The following SRRM3 variants were observed in gnomAD, a reference collection of about 807,000 sequenced individuals.
SRRM3 encodes serine/arginine repetitive matrix protein 3.
SRRM3 carries 27 observed loss-of-function variants against 66.2 expected under a neutral mutation model. The observed-to-expected ratio is 0.41, with a 90% CI of 0.30 to 0.56. The LOEUF (loss-of-function observed/expected upper bound fraction) is 0.56, where lower values mean the gene tolerates loss of function less well. SRRM3 is among the 20% of genes least tolerant of loss of function. The pLI is 0.32. For missense variants in SRRM3, 918 were observed against 991.9 expected (o/e 0.93, Z 1.00); for synonymous variants, 391 against 414.9 (o/e 0.94, Z 0.70).
Position 76,286,871 on chromosome 7 carries a change from C to T in SRRM3, c.*1028C>T, listed in dbSNP as rs781937118. 6.6e-6 allele frequency: 1 copy of T among 152,300 alleles called. No individual in the cohort carries two copies. The highest frequency in any genetic ancestry group is 2.4e-5 in the African/African-American group (1 of 41,414). 9.4% of individuals were successfully genotyped at this position (152,300 alleles called of 1,614,324 possible). On this transcript the variant is annotated 3_prime_UTR_variant, in exon 15 of 15. Coordinates refer to ENST00000611745, the MANE Select transcript of SRRM3 (RefSeq NM_001110199.3). ...GAGGAGGGCAGCGTGTGCCTGTGGT[C>T]TGGGACGTGGGCTGGATGGCAGCCC... is the stretch of plus-strand genomic sequence containing the variant.
chr7:76,261,496 C>T (rs782498019), intron 7 of SRRM3, 50 bp from the exon 8 acceptor site: 1 of 1,603,660 alleles, frequency 6.2e-7, no homozygotes, highest in South Asian at 1.1e-5. Flanking sequence ...CATAGGTCTC[C>T]CCTGGGCCAC....
intron 3 of SRRM3, among the ~76,000 whole-genome samples, chr7:76,248,536 A>G (rs1201515524): frequency 6.6e-6 from 1 of 152,180 alleles, no homozygotes; most frequent in Non-Finnish European, 1.5e-5. Context: ...CCTATGGCTC[A>G]GCAGTGGGAG....
At chr7:76,223,383 A>G (rs1554603411) in intron 1 of SRRM3, among the ~76,000 whole-genome samples, 2 of 152,192 alleles carry the variant, frequency 1.3e-5, no homozygotes, top group Non-Finnish European at 2.9e-5. Context: ...GGTCAGCAGG[A>G]GAGTGCTCCA....
intron 11 of SRRM3, among the ~76,000 whole-genome samples, chr7:76,274,644 G>T (rs1023196610): frequency 6.6e-6 from 1 of 152,194 alleles, no homozygotes; most frequent in Non-Finnish European, 1.5e-5. Flanking sequence ...GGGGCCCACA[G>T]GGTGCAGCGG....
chr7:76,211,816 CTATTAT>C (rs60646233), intron 1 of SRRM3, among the ~76,000 whole-genome samples: 4,280 of 140,576 alleles, frequency 0.03, 164 homozygotes, highest in African/African-American at 0.087. Context: ...ACTATTACTA[CTATTAT>C]TATTATTATT....
In SRRM3 at chr7:76,265,426, C is replaced by T. The variant is rs777148064; in HGVS notation, c.788C>T (p.Pro263Leu). 3 of 1,606,108 alleles carry T rather than the reference C, an allele frequency of 1.9e-6. No homozygotes were observed. The highest frequency in any genetic ancestry group is 2.5e-6 in the Non-Finnish European group (3 of 1,176,570). The change falls in exon 10 of 15, where the codon CCC becomes CTC. Residue 263 changes from proline to leucine, a missense_variant. Physicochemically the swap from Pro to Leu is moderately conservative, Grantham distance 98. Transcript: ENST00000611745. ...CATAGCAGTGGCAGCTCCCACAGCC[C>T]CTCCCTCTCCTCCCACTACAGTGAT... is the stretch of plus-strand genomic sequence containing the variant. ...HRHSSGSSHS[P>L]SLSSHYSDSR...
intron 11 of SRRM3, among the ~76,000 whole-genome samples, chr7:76,272,192 C>T (rs192826374): frequency 6.6e-6 from 1 of 152,082 alleles, no homozygotes; most frequent in African/African-American, 2.4e-5. Flanking sequence ...CAGAGTTTGC[C>T]GTCTTTTCTA....
chr7:76,222,789 T>C (rs1447953140), intron 1 of SRRM3, among the ~76,000 whole-genome samples: 2 of 151,806 alleles, frequency 1.3e-5, no homozygotes, highest in African/African-American at 4.8e-5. Context: ...GCCTGGCTAA[T>C]TTTTGTATTT....
At chr7:76,202,532 G>A (rs1800177753) in intron 1 of SRRM3, among the ~76,000 whole-genome samples, 1 of 152,166 alleles carries the variant, frequency 6.6e-6, no homozygotes. Flanking sequence ...CCCTTTCCCG[G>A]CTACCCAAAT....
chr7:76,267,149 G>A, intron 10 of SRRM3, 109 bp from the exon 11 acceptor site: 3 of 1,060,012 alleles, frequency 2.8e-6, no homozygotes, highest in Non-Finnish European at 3.8e-6. Context: ...GGCAGGTGGA[G>A]GGCTGCTCTC....
At chr7:76,226,085 C>G (rs1223505280) in intron 1 of SRRM3, among the ~76,000 whole-genome samples, 4 of 152,230 alleles carry the variant, frequency 2.6e-5, no homozygotes, top group Non-Finnish European at 5.9e-5. Context: ...CCCTCTGAGC[C>G]CCAGGGTGAG....
intron 14 of SRRM3, chr7:76,283,488 C>G (rs1446933930): frequency 2.1e-6 from 1 of 466,522 alleles, no homozygotes; most frequent in Non-Finnish European, 4.2e-6. Context: ...CATCCGTCTC[C>G]GGACAATGAT....
intron 8 of SRRM3, among the ~76,000 whole-genome samples, chr7:76,262,027 C>T (rs1389482540): frequency 6.6e-6 from 1 of 151,800 alleles, no homozygotes; most frequent in Non-Finnish European, 1.5e-5. Flanking sequence ...TGCTAGCCTC[C>T]CAACAGGTTT....
chr7:76,279,131 C>T (rs1554611525), intron 11 of SRRM3, among the ~76,000 whole-genome samples: 2 of 152,066 alleles, frequency 1.3e-5, no homozygotes, highest in South Asian at 2.1e-4. Flanking sequence ...TGGTGACAGA[C>T]GCCTGTAGTT....
chr7:76,204,515 C>T (rs1034441865), intron 1 of SRRM3, among the ~76,000 whole-genome samples: 1 of 152,336 alleles, frequency 6.6e-6, no homozygotes, highest in Middle Eastern at 3.4e-3. Context: ...TGCAACCCAA[C>T]CCCACTGCCT....
chr7:76,217,553 TG>T (rs1251068843), intron 1 of SRRM3, among the ~76,000 whole-genome samples: 5 of 152,146 alleles, frequency 3.3e-5, no homozygotes, highest in African/African-American at 1.2e-4. Context: ...CCAATCACGC[TG>T]GGATTACAGG....
At chr7:76,256,864 C>T (rs553700760) in intron 3 of SRRM3, among the ~76,000 whole-genome samples, 8 of 151,956 alleles carry the variant, frequency 5.3e-5, no homozygotes, top group Non-Finnish European at 1.0e-4. Flanking sequence ...TGTGCGCCAC[C>T]ACGCCTGGCT....
chr7:76,225,528 G>A (rs1800841948), intron 1 of SRRM3, among the ~76,000 whole-genome samples: 1 of 148,806 alleles, frequency 6.7e-6, no homozygotes, highest in South Asian at 2.3e-4. Context: ...CAGCAAATGG[G>A]GCCCCCTGAA....
At chr7:76,254,102 A>C (rs1554607337) in intron 3 of SRRM3, among the ~76,000 whole-genome samples, 1 of 151,864 alleles carries the variant, frequency 6.6e-6, no homozygotes, top group Non-Finnish European at 1.5e-5. Flanking sequence ...TGCTGCCTTG[A>C]ACTCCTGGGC....
Sources: allele counts gnomAD v4.1 joint callset (sites outside exome capture counted in the v4.1 genomes callset), GRCh38; gene constraint gnomAD v4.1.1; transcripts MANE v1.5; gene names NCBI Gene and HGNC (gene_info 2026-07-23, HGNC 2026-07-21).